The following KANSL1 variants were observed in gnomAD, a reference collection of about 807,000 sequenced individuals.
The protein encoded by KANSL1 is MLL1/MLL complex subunit KANSL1.
KANSL1 carries 22 observed loss-of-function variants against 103.6 expected under a neutral mutation model. That is an observed-to-expected ratio of 0.21 (90% CI 0.15 to 0.30). KANSL1 has a LOEUF of 0.30. Ranked by LOEUF, KANSL1 falls within the 10% of genes least tolerant of loss-of-function variation. The probability of loss-of-function intolerance (pLI) is 1.00; values close to 1 mark genes in which losing one functional copy is unlikely to be tolerated. For missense variants in KANSL1, 1,337 were observed against 1,399.8 expected, an observed-to-expected ratio of 0.96 and a Z score of 0.72; for synonymous variants, 600 against 527.6, an observed-to-expected ratio of 1.14 and a Z score of -1.88.
upstream of KANSL1, among the ~76,000 whole-genome samples, chr17:46,197,216 C>T (rs1283689835): frequency 6.6e-6 from 1 of 152,268 alleles, no homozygotes; most frequent in Non-Finnish European, 1.5e-5. Context: ...TGTCTGTGTT[C>T]TCTCTACCTA....
chr17:46,129,189 A>T (rs1476956622), intron 2 of KANSL1, among the ~76,000 whole-genome samples: 1 of 152,114 alleles, frequency 6.6e-6, no homozygotes, highest in Non-Finnish European at 1.5e-5. Context: ...TGAACAAAGG[A>T]ACAGTGCAGT....
intron 2 of KANSL1, among the ~76,000 whole-genome samples, chr17:46,157,945 C>T (rs1490133277): frequency 2.6e-5 from 4 of 152,224 alleles, no homozygotes; most frequent in African/African-American, 4.8e-5. Flanking sequence ...AAAACATTTT[C>T]GCCCAGTTGG....
chr17:46,046,970 G>T (rs2077535368), intron 7 of KANSL1, among the ~76,000 whole-genome samples: 1 of 152,130 alleles, frequency 6.6e-6, no homozygotes, highest in Admixed American at 6.5e-5. Flanking sequence ...AATGGCAAGG[G>T]AAGGTAAAAG....
chr17:46,039,466 C>T (rs1051545816), intron 8 of KANSL1: 1 of 608,220 alleles, frequency 1.6e-6, no homozygotes, highest in Non-Finnish European at 2.8e-6. Flanking sequence ...CATGCCATTG[C>T]TGGCTGTTCA....
intron 7 of KANSL1, chr17:46,040,216 T>A: frequency 6.1e-6 from 2 of 326,570 alleles, no homozygotes; most frequent in Non-Finnish European, 1.1e-5. Context: ...TTTAAAAACA[T>A]ATTTAAGCCT....
intron 4 of KANSL1, among the ~76,000 whole-genome samples, chr17:46,081,157 G>A (rs1461777410): frequency 6.6e-6 from 1 of 152,158 alleles, no homozygotes; most frequent in Non-Finnish European, 1.5e-5. Context: ...CTTCAGAAGT[G>A]CTGAGGTAAG....
At chr17:46,084,070 T>A in intron 3 of KANSL1, among the ~76,000 whole-genome samples, 1 of 147,156 alleles carries the variant, frequency 6.8e-6, no homozygotes, top group East Asian at 1.9e-4. Flanking sequence ...TGACTACACT[T>A]AGCCCGTATC....
chr17:46,137,981 T>G (rs2044237627), intron 2 of KANSL1, among the ~76,000 whole-genome samples: 2 of 152,212 alleles, frequency 1.3e-5, no homozygotes, highest in South Asian at 4.1e-4. Context: ...CTCAAGCCTC[T>G]CCAGCTACCC....
At chr17:46,114,966 G>C (rs1332319061) in intron 2 of KANSL1, among the ~76,000 whole-genome samples, 1 of 152,178 alleles carries the variant, frequency 6.6e-6, no homozygotes, top group African/African-American at 2.4e-5. Context: ...GATCTGTCCA[G>C]ATTTAGGTCC....
intron 2 of KANSL1, among the ~76,000 whole-genome samples, chr17:46,147,203 CA>C (rs2044755806): frequency 2.0e-5 from 3 of 152,092 alleles, no homozygotes; most frequent in Non-Finnish European, 2.9e-5. Flanking sequence ...TAAAATACAA[CA>C]GAAAAATCAA....
At chr17:46,050,774 C>T (rs900261549) in intron 6 of KANSL1, 70 bp from the exon 7 acceptor site, 2 of 1,430,114 alleles carry the variant, frequency 1.4e-6, no homozygotes, top group African/African-American at 2.8e-5. Flanking sequence ...TTTGTTATCC[C>T]CATTTGTTAT....
chr17:46,173,224 T>C (rs2046369490), intron 1 of KANSL1, among the ~76,000 whole-genome samples: 1 of 152,170 alleles, frequency 6.6e-6, no homozygotes, highest in Non-Finnish European at 1.5e-5. Flanking sequence ...TCTGCCCTCT[T>C]CTCTCTCAAC....
chr17:46,146,832 C>CAG (rs2044732277), intron 2 of KANSL1, among the ~76,000 whole-genome samples: 1 of 37,326 alleles, frequency 2.7e-5, no homozygotes, highest in African/African-American at 8.3e-5. Context: ...GACTCCGTCT[C>CAG]AAAAAAAAAA....
chr17:46,169,225 A>C (rs1035037597), intron 2 of KANSL1, among the ~76,000 whole-genome samples: 1 of 152,242 alleles, frequency 6.6e-6, no homozygotes, highest in African/African-American at 2.4e-5. Context: ...AAGCTGAATT[A>C]AGCTACTAAT....
In KANSL1 at chr17:46,159,550, C is replaced by G. The variant is rs149604418; in HGVS notation, c.1289+11305G>C. 4.1e-4 allele frequency among the ~76,000 whole-genome samples: 62 copies of G among 152,338 alleles called. No homozygotes were observed. In the East Asian group the frequency reaches 0.011, roughly 26 times the overall value. On this transcript the variant is annotated intron_variant, in intron 2 of 14. Transcript: ENST00000432791. Reference sequence around the variant, plus strand: ...GAAAACCAATCAGGATAGTCCTCAACTATTCTTTCAATATCCTTTCAAGTT... The same window carrying G: ...GAAAACCAATCAGGATAGTCCTCAAGTATTCTTTCAATATCCTTTCAAGTT...
chr17:46,076,269 C>G (rs551503703), intron 4 of KANSL1, among the ~76,000 whole-genome samples: 1 of 151,582 alleles, frequency 6.6e-6, no homozygotes, highest in Non-Finnish European at 1.5e-5. Context: ...CCGAGGCAGG[C>G]GGATCACTTG....
intron 2 of KANSL1, among the ~76,000 whole-genome samples, chr17:46,116,103 CAG>C (rs1392095294): frequency 3.3e-5 from 5 of 152,200 alleles, no homozygotes; most frequent in Admixed American, 2.6e-4. Flanking sequence ...AAACTTACGA[CAG>C]AGTGAAAACT....
intron 2 of KANSL1, among the ~76,000 whole-genome samples, chr17:46,119,259 A>T (rs1156563848): frequency 6.6e-6 from 1 of 152,192 alleles, no homozygotes; most frequent in African/African-American, 2.4e-5. Context: ...CAGAGAAGCA[A>T]GCACAGGTAA....
intron 2 of KANSL1, among the ~76,000 whole-genome samples, chr17:46,153,443 T>C (rs1229893963): frequency 1.3e-5 from 2 of 152,354 alleles, no homozygotes; most frequent in South Asian, 2.1e-4. Context: ...CTAGTAAATA[T>C]ATAAATAAAG....
Sources: allele counts gnomAD v4.1 joint callset (sites outside exome capture counted in the v4.1 genomes callset), GRCh38; gene constraint gnomAD v4.1.1; transcripts MANE v1.5; gene names NCBI Gene and HGNC (gene_info 2026-07-23, HGNC 2026-07-21).